FAT3: variants seen among roughly 807,000 people sequenced by gnomAD.
FAT3 encodes protocadherin Fat 3.
FAT3 carries 95 observed loss-of-function variants against 310.2 expected under a neutral mutation model. The observed-to-expected ratio is 0.31, with a 90% CI of 0.26 to 0.36. The LOEUF (loss-of-function observed/expected upper bound fraction) is 0.36. Among genes scored for constraint, FAT3 ranks in the 10% least tolerant of loss-of-function variants. The pLI, the probability that FAT3 is intolerant of heterozygous loss-of-function variation, is 1.00. For synonymous variants in FAT3, 2,314 were observed against 2,192.9 expected, an observed-to-expected ratio of 1.06 and a Z score of -1.54; for missense variants, 5,408 against 5,715.6, an observed-to-expected ratio of 0.95 and a Z score of 1.74.
chr11:92,858,638 G>A (rs1949044905), intron 20 of FAT3, among the ~76,000 whole-genome samples: 1 of 152,188 alleles, frequency 6.6e-6, no homozygotes, highest in Admixed American at 6.5e-5. Flanking sequence ...GTGAAAGTGT[G>A]ACTACATGAA....
chr11:92,556,282 A>G (rs984012428), intron 3 of FAT3, among the ~76,000 whole-genome samples: 2 of 152,046 alleles, frequency 1.3e-5, no homozygotes, highest in East Asian at 3.9e-4. Flanking sequence ...GCTGTTATCT[A>G]CCAGACTCCT....
At chr11:92,255,566 C>G (rs1469839620) in intron 1 of FAT3, among the ~76,000 whole-genome samples, 3 of 152,002 alleles carry the variant, frequency 2.0e-5, no homozygotes, top group Non-Finnish European at 4.4e-5. Context: ...TATGGGCACT[C>G]TGAATATTAA....
chr11:92,801,392 C>T lies in FAT3; in HGVS notation c.8379C>T (p.Asp2793=), dbSNP rs1377338183. ...CCACTATACCCCTGGACAAAGTAGA[C>T]ATTGTGTTTACTGTGGATGTAGATA... is the stretch of plus-strand genomic sequence containing the variant. The part of the protein sequence containing the change: ...VAATIPLDKV[D]IVFTVDVDIK... Residue 2793 remains aspartate, a synonymous_variant, in exon 10 of 28, where the codon GAC becomes GAT. Transcript: ENST00000525166. 3 of 1,613,772 alleles carry T rather than the reference C, an allele frequency of 1.9e-6. No individual in the cohort carries two copies. The highest frequency in any genetic ancestry group is 1.1e-5 in the South Asian group (1 of 91,070).
chr11:92,387,492 G>T (rs1311639059), intron 2 of FAT3, among the ~76,000 whole-genome samples: 1 of 152,122 alleles, frequency 6.6e-6, no homozygotes, highest in African/African-American at 2.4e-5. Flanking sequence ...ACTGAAGTAA[G>T]GGTAGGGGAG....
intron 3 of FAT3, among the ~76,000 whole-genome samples, chr11:92,591,947 G>A (rs1939445217): frequency 6.6e-6 from 1 of 152,100 alleles, no homozygotes; most frequent in Admixed American, 6.5e-5. Context: ...ACACATAGTG[G>A]ATACATGACT....
chr11:92,228,181 C>G (rs1298012107), intron 1 of FAT3, among the ~76,000 whole-genome samples: 2 of 152,200 alleles, frequency 1.3e-5, no homozygotes, highest in Admixed American at 1.3e-4. Flanking sequence ...CAGTCAGCTG[C>G]TGGGCTGGCT....
chr11:92,226,846 G>A (rs1565337524), intron 1 of FAT3, among the ~76,000 whole-genome samples: 1 of 152,180 alleles, frequency 6.6e-6, no homozygotes, highest in Admixed American at 6.5e-5. Context: ...CGCGGCGGGA[G>A]GGAGGGACGC....
chr11:92,334,807 C>G (rs1046358655), intron 1 of FAT3, among the ~76,000 whole-genome samples: 11 of 152,286 alleles, frequency 7.2e-5, no homozygotes, highest in African/African-American at 2.6e-4. Context: ...ATATGTGAAA[C>G]CTGTTCAGAG....
At chr11:92,336,276 T>C in intron 1 of FAT3, 1 of 521,168 alleles carries the variant, frequency 1.9e-6, no homozygotes, top group African/African-American at 1.9e-5. Context: ...GTCATAGCAA[T>C]GGGAGTCTGG....
chr11:92,518,632 C>T (rs1323838551), intron 2 of FAT3, among the ~76,000 whole-genome samples: 1 of 151,616 alleles, frequency 6.6e-6, no homozygotes, highest in Non-Finnish European at 1.5e-5. Context: ...GCACGTTTTG[C>T]ACATGTATCC....
chr11:92,697,617 C>T (rs1227407865), intron 4 of FAT3, among the ~76,000 whole-genome samples, 172 bp downstream of exon 4: 1 of 152,212 alleles, frequency 6.6e-6, no homozygotes, highest in Non-Finnish European at 1.5e-5. Context: ...TTCTTCCCAA[C>T]ATGCTCCTGT....
chr11:92,478,870 C>T (rs1025034347), intron 2 of FAT3, among the ~76,000 whole-genome samples: 1 of 152,090 alleles, frequency 6.6e-6, no homozygotes, highest in African/African-American at 2.4e-5. Context: ...CCCACCTTGG[C>T]CTCCCAAAGT....
intron 3 of FAT3, among the ~76,000 whole-genome samples, chr11:92,677,264 A>G (rs1943316058): frequency 6.6e-6 from 1 of 152,228 alleles, no homozygotes; most frequent in African/African-American, 2.4e-5. Flanking sequence ...ATAGAAGAAA[A>G]GAGATACAGA....
At chr11:92,273,862 G>A (rs74336861) in intron 1 of FAT3, among the ~76,000 whole-genome samples, 2,407 of 152,184 alleles carry the variant, frequency 0.016, 66 homozygotes, top group African/African-American at 0.054. Flanking sequence ...AAGTTAGCAT[G>A]TACACTTGCT....
chr11:92,231,432 A>G (rs1864176219), intron 1 of FAT3, among the ~76,000 whole-genome samples: 3 of 152,188 alleles, frequency 2.0e-5, no homozygotes, highest in Admixed American at 1.3e-4. Context: ...TACTTTTCAG[A>G]GCAGTTGCAA....
chr11:92,569,974 G>T (rs747574878), intron 3 of FAT3, among the ~76,000 whole-genome samples: 1 of 152,076 alleles, frequency 6.6e-6, no homozygotes, highest in Non-Finnish European at 1.5e-5. Context: ...GCTCTCTTTT[G>T]TCTGACCGTA....
rs191467555 is a variant in FAT3, at chr11:92,446,692, G to A, written c.3293-77942G>A. ...GAGATTCTGTAATACATGTTTCCACGCATTAAATTGTAAAGATATCTATAT... is the reference window on the plus strand; with the variant it reads ...GAGATTCTGTAATACATGTTTCCACACATTAAATTGTAAAGATATCTATAT... On this transcript the variant is annotated intron_variant, in intron 2 of 27. Coordinates refer to ENST00000525166, the MANE Select transcript of FAT3 (RefSeq NM_001367949.2). Among the ~76,000 whole-genome samples the A allele has an allele frequency of 9.6e-4, 146 of 152,142 alleles. 1 individual carries two copies. The South Asian group carries it at 0.011, about 12-fold the overall frequency.
chr11:92,386,554 A>G (rs1191363664), intron 2 of FAT3, among the ~76,000 whole-genome samples: 1 of 152,252 alleles, frequency 6.6e-6, no homozygotes, highest in Non-Finnish European at 1.5e-5. Context: ...TAAGTACATT[A>G]TAAATGTTAG....
chr11:92,726,118 T>C (rs895459984), intron 4 of FAT3, among the ~76,000 whole-genome samples: 1 of 152,110 alleles, frequency 6.6e-6, no homozygotes, highest in African/African-American at 2.4e-5. Flanking sequence ...AACATGTACA[T>C]CAATTATATA....
Sources: gnomAD v4.1 joint callset for allele counts (sites outside exome capture counted in the v4.1 genomes callset) on GRCh38, gnomAD v4.1.1 for gene constraint, MANE v1.5 for transcripts, NCBI Gene and HGNC (gene_info 2026-07-23, HGNC 2026-07-21) for gene names.